Variants in NBAS observed in about 807,000 individuals in gnomAD.
The protein encoded by NBAS is NAG/BC035112 fusion.
In NBAS, 219 loss-of-function variants were observed where a neutral mutation model predicts 302.5. The ratio of observed to expected loss-of-function variants is 0.72; its 90% CI spans 0.65 to 0.81. The LOEUF (loss-of-function observed/expected upper bound fraction) is 0.81, where lower values mean the gene tolerates loss of function less well. Among genes scored for constraint, NBAS ranks in the 30% least tolerant of loss-of-function variants. The pLI is 0.00. For synonymous variants in NBAS, 1,118 were observed against 1,021.6 expected, an observed-to-expected ratio of 1.09 and a Z score of -1.80; for missense variants, 2,932 against 2,841.6, an observed-to-expected ratio of 1.03 and a Z score of -0.72.
At chr2:14,898,498 T>C in the NBAS span, among the ~76,000 whole-genome samples, 1 of 152,284 alleles carries the variant, frequency 6.6e-6, no homozygotes, top group East Asian at 1.9e-4. Context: ...TCACTTGATA[T>C]GGTTTGGCTC....
At chr2:15,029,653 G>C in the NBAS span, among the ~76,000 whole-genome samples, 1 of 152,188 alleles carries the variant, frequency 6.6e-6, no homozygotes, top group East Asian at 1.9e-4. Context: ...ATAGGTTTTC[G>C]TGTTCTTGTG....
At chr2:15,089,243 G>C in the NBAS span, among the ~76,000 whole-genome samples, 1 of 152,056 alleles carries the variant, frequency 6.6e-6, no homozygotes. Context: ...CGGCCTCCCA[G>C]AGTGCAAGGA....
At chr2:14,909,366 T>TAAAAGAAAAAAAAA in the NBAS span, among the ~76,000 whole-genome samples, 1 of 78,582 alleles carries the variant, frequency 1.3e-5, no homozygotes, top group Admixed American at 1.5e-4. Flanking sequence ...GGAGAGTTTC[T>TAAAAGAAAAAAAAA]AAAAAAAAAA....
chr2:15,512,173 C>A (rs1558401944), intron 9 of NBAS, among the ~76,000 whole-genome samples: 1 of 151,978 alleles, frequency 6.6e-6, no homozygotes, highest in Non-Finnish European at 1.5e-5. Context: ...ATTGAAAAGT[C>A]AAAAAAACAT....
chr2:15,116,407 G>A, the NBAS span, among the ~76,000 whole-genome samples: 2 of 130,270 alleles, frequency 1.5e-5, no homozygotes, highest in Non-Finnish European at 3.3e-5. Context: ...ATCCCCACAT[G>A]GCAGAGAGAG....
chr2:15,149,387 G>T, the NBAS span, among the ~76,000 whole-genome samples: 4 of 152,226 alleles, frequency 2.6e-5, no homozygotes, highest in Middle Eastern at 3.4e-3. Flanking sequence ...CCAATCTCAG[G>T]TATTCTGTTA....
chr2:14,980,552 G>A, the NBAS span, among the ~76,000 whole-genome samples: 1 of 152,146 alleles, frequency 6.6e-6, no homozygotes, highest in African/African-American at 2.4e-5. Context: ...CGGGCAACTT[G>A]CTGCCAGACC....
At chr2:15,132,030 T>C in the NBAS span, among the ~76,000 whole-genome samples, 344 of 152,000 alleles carry the variant, frequency 2.3e-3, 1 homozygote, top group African/African-American at 7.6e-3. Context: ...TATTTCAACA[T>C]GAGATTTGGC....
Position 15,495,788 on chromosome 2 carries a change from A to G in NBAS, c.955-6766T>C, listed in dbSNP as rs76686489. Among the ~76,000 whole-genome samples the G allele has an allele frequency of 5.1e-3, 781 of 152,266 alleles. 9 individuals carry two copies. Among genetic ancestry groups the G allele is most frequent in the African/African-American group, 0.018 (755 of 41,546 alleles). On this transcript the variant is annotated intron_variant, in intron 11 of 51. Coordinates refer to ENST00000281513, the MANE Select transcript of NBAS (RefSeq NM_015909.4). ...ATTACTAGAATAAAAGATAATAACA[A>G]GTGTTGGCATGGATGTGGAGACAAT...
At chr2:14,780,752 A>C in the NBAS span, among the ~76,000 whole-genome samples, 1 of 152,140 alleles carries the variant, frequency 6.6e-6, no homozygotes, top group Non-Finnish European at 1.5e-5. Flanking sequence ...GCAGTACATA[A>C]TTGGTACTAA....
intron 21 of NBAS, among the ~76,000 whole-genome samples, chr2:15,456,065 A>G (rs1170936519): frequency 1.3e-5 from 2 of 152,194 alleles, no homozygotes; most frequent in Admixed American, 6.5e-5. Flanking sequence ...TAAACATTTT[A>G]TAACAGTTAC....
chr2:15,134,443 AAACT>A, the NBAS span, among the ~76,000 whole-genome samples: 5 of 152,006 alleles, frequency 3.3e-5, no homozygotes, highest in Admixed American at 3.3e-4. Context: ...CAGCCTAAAC[AAACT>A]AAGACTCTCT....
chr2:15,489,225 T>G (rs150510363), intron 11 of NBAS, among the ~76,000 whole-genome samples: 1 of 152,262 alleles, frequency 6.6e-6, no homozygotes, highest in East Asian at 1.9e-4. Context: ...TACTTCAGAG[T>G]TATAATTTAC....
chr2:15,168,913 C>G (rs1664159630), intron 51 of NBAS, among the ~76,000 whole-genome samples: 1 of 152,330 alleles, frequency 6.6e-6, no homozygotes, highest in East Asian at 1.9e-4. Flanking sequence ...ACAGGCGTGG[C>G]CACCGTGCCC....
chr2:15,266,757 A>C (rs949021605), intron 44 of NBAS, among the ~76,000 whole-genome samples: 3 of 151,806 alleles, frequency 2.0e-5, no homozygotes, highest in Admixed American at 2.0e-4. Context: ...TTCCTTCTCT[A>C]CCTACTTACT....
intron 44 of NBAS, among the ~76,000 whole-genome samples, chr2:15,272,054 T>C (rs534383936): frequency 2.0e-5 from 3 of 152,326 alleles, no homozygotes; most frequent in Non-Finnish European, 4.4e-5. Context: ...TTGTAAATAT[T>C]TTCCCCAGAG....
chr2:15,499,581 A>T (rs1350333449), intron 11 of NBAS, among the ~76,000 whole-genome samples: 1 of 152,148 alleles, frequency 6.6e-6, no homozygotes, highest in Non-Finnish European at 1.5e-5. Flanking sequence ...ATAGACACAT[A>T]GAAGGGAACA....
chr2:15,443,643 T>C (rs1478476059), intron 21 of NBAS, among the ~76,000 whole-genome samples: 1 of 150,798 alleles, frequency 6.6e-6, no homozygotes, highest in Non-Finnish European at 1.5e-5. Flanking sequence ...GTGTTGGAAG[T>C]TCTGGCCAGG....
intron 38 of NBAS, among the ~76,000 whole-genome samples, chr2:15,318,047 C>T (rs1671601300): frequency 6.6e-6 from 1 of 152,220 alleles, no homozygotes; most frequent in Non-Finnish European, 1.5e-5. Context: ...AACAGCAGAT[C>T]TCTTGGAAGA....
Sources: allele counts gnomAD v4.1 joint callset (sites outside exome capture counted in the v4.1 genomes callset), GRCh38; gene constraint gnomAD v4.1.1; transcripts MANE v1.5; gene names NCBI Gene and HGNC (gene_info 2026-07-23, HGNC 2026-07-21).